Variants in CNTN1 observed in about 807,000 individuals in gnomAD.
CNTN1 encodes the protein contactin-1.
Under a neutral mutation model 126.4 loss-of-function variants are expected in CNTN1, and 38 were observed. The ratio of observed to expected loss-of-function variants is 0.30; its 90% CI spans 0.23 to 0.39. The LOEUF (loss-of-function observed/expected upper bound fraction) is 0.39, where lower values mean the gene tolerates loss of function less well. Ranked by LOEUF, CNTN1 falls within the 10% of genes least tolerant of loss-of-function variation. CNTN1 has a pLI of 1.00. For missense variants in CNTN1, 1,009 were observed against 1,248.4 expected, an observed-to-expected ratio of 0.81 and a Z score of 2.89; for synonymous variants, 413 against 422.6, an observed-to-expected ratio of 0.98 and a Z score of 0.28.
At chr12:41,038,993 G>T (rs1315531890) in intron 23 of CNTN1, among the ~76,000 whole-genome samples, 4 of 152,272 alleles carry the variant, frequency 2.6e-5, no homozygotes, top group African/African-American at 7.2e-5. Context: ...TGAACTGGCT[G>T]TATGTTTAGA....
Position 40,943,662 on chromosome 12 carries a change from A to C in CNTN1, c.1445A>C (p.Tyr482Ser). The C allele has an allele frequency of 6.2e-7, 1 of 1,610,224 alleles. No homozygotes were observed. Among genetic ancestry groups the C allele is most frequent in the Non-Finnish European group, 8.5e-7 (1 of 1,176,734 alleles). ...ATTACAAGGAATGATGGAGGTATCTATACATGCTTTGCAGAAAATAACAGA... is the reference window on the plus strand; with the variant it reads ...ATTACAAGGAATGATGGAGGTATCTCTACATGCTTTGCAGAAAATAACAGA... ...NNITRNDGGI[Y>S]TCFAENNRGK... Residue 482 changes from tyrosine to serine, a missense_variant, in exon 13 of 24, where the codon TAT becomes TCT. Tyr to Ser is a moderately radical substitution (Grantham distance 144). Transcript: ENST00000551295.
At chr12:40,762,518 ATAAG>A (rs1243569833) in intron 1 of CNTN1, among the ~76,000 whole-genome samples, 4 of 152,250 alleles carry the variant, frequency 2.6e-5, no homozygotes, top group African/African-American at 9.6e-5. Flanking sequence ...AAAATTTTAG[ATAAG>A]TAATATGTAC....
rs71078294 is a variant in CNTN1 at position 41,007,045 on chromosome 12, G to GTTT, written c.2114-7153_2114-7151dup. Among the ~76,000 whole-genome samples, 306 of 69,248 alleles carry GTTT rather than the reference G, an allele frequency of 4.4e-3. 13 individuals are homozygous for GTTT. Among genetic ancestry groups the GTTT allele is most frequent in the Non-Finnish European group, 5.6e-3 (223 of 39,714 alleles). The allele number at this position is 69,248 out of a possible 152,430, so 45.4% of individuals were successfully genotyped here. ...TGGCAGTTAAAAGCAGTTTTGTGTG[G>GTTT]TTTTTTTTTTTTTTTTTTTTTTTTT... On this transcript the variant is annotated intron_variant, in intron 17 of 23. Coordinates refer to ENST00000551295, the MANE Select transcript of CNTN1 (RefSeq NM_001843.4).
chr12:40,994,900 A>C (rs1403429688), intron 17 of CNTN1, among the ~76,000 whole-genome samples: 1 of 152,044 alleles, frequency 6.6e-6, no homozygotes. Flanking sequence ...ACTTTGAGAA[A>C]ACTCAATGTA....
intron 22 of CNTN1, among the ~76,000 whole-genome samples, chr12:41,028,395 T>C (rs1474017508): frequency 6.6e-6 from 1 of 152,182 alleles, no homozygotes; most frequent in East Asian, 1.9e-4. Flanking sequence ...AGTGCCATGA[T>C]ACATTTTGAA....
intron 3 of CNTN1, among the ~76,000 whole-genome samples, chr12:40,913,060 C>A (rs1945101158): frequency 6.6e-6 from 1 of 152,218 alleles, no homozygotes; most frequent in African/African-American, 2.4e-5. Context: ...AGAGATGTGA[C>A]AGGCTCCCCT....
rs149901235 is a variant in CNTN1, at chr12:41,018,449, A to G, written c.2419+1533A>G. ...TAGTTTTAGTATTTGTTAAAAATGT[A>G]ATATATAATTAAATCATCCTATGAT... On this transcript the variant is annotated intron_variant, in intron 19 of 23. Transcript: ENST00000551295. Among the ~76,000 whole-genome samples the G allele has an allele frequency of 9.3e-3, 1,410 of 152,176 alleles. 6 individuals are homozygous for G. Among genetic ancestry groups the G allele is most frequent in the Non-Finnish European group, 0.013 (874 of 67,994 alleles).
rs34601389 is a variant in CNTN1 at position 40,939,250 on chromosome 12, G to A, written c.1229-85G>A. ...ATTAATCCTTTCCATTAACTATTAAGGAGAATAAAAGATTCTACAACACAG... is the reference window on the plus strand; with the variant it reads ...ATTAATCCTTTCCATTAACTATTAAAGAGAATAAAAGATTCTACAACACAG... On this transcript the variant is annotated intron_variant, in intron 11 of 23. Coordinates refer to ENST00000551295, the MANE Select transcript of CNTN1 (RefSeq NM_001843.4). The A allele has an allele frequency of 0.043, 60,030 of 1,406,300 alleles. 1,501 individuals are homozygous for A. The highest frequency in any genetic ancestry group is 0.096 in the Middle Eastern group (522 of 5,410). 87.1% of individuals were successfully genotyped at this position (1,406,300 alleles called of 1,614,324 possible).
chr12:41,004,836 G>T (rs945529814), intron 17 of CNTN1, among the ~76,000 whole-genome samples: 1 of 152,158 alleles, frequency 6.6e-6, no homozygotes, highest in African/African-American at 2.4e-5. Context: ...TTGCATGTGA[G>T]ATGGATCTCT....
chr12:40,805,736 T>C (rs1274589225), intron 1 of CNTN1, among the ~76,000 whole-genome samples: 1 of 152,064 alleles, frequency 6.6e-6, no homozygotes, highest in Non-Finnish European at 1.5e-5. Flanking sequence ...TCTCATAAAT[T>C]TGAATGCTAA....
intron 23 of CNTN1, among the ~76,000 whole-genome samples, chr12:41,048,692 A>C (rs182877270): frequency 6.6e-6 from 1 of 152,260 alleles, no homozygotes; most frequent in East Asian, 1.9e-4. Context: ...AAAACAAAAC[A>C]GAGCAACAAT....
intron 23 of CNTN1, among the ~76,000 whole-genome samples, chr12:41,031,862 A>G (rs1949151843): frequency 6.6e-6 from 1 of 152,172 alleles, no homozygotes; most frequent in South Asian, 2.1e-4. Context: ...GGATTTTCAA[A>G]TCATTTAAAT....
chr12:41,020,197 T>A lies in CNTN1; in HGVS notation c.2420-140T>A. On this transcript the variant is annotated intron_variant, in intron 19 of 23. Coordinates refer to ENST00000551295, the MANE Select transcript of CNTN1 (RefSeq NM_001843.4). ...GAAGAGGTAATGAAATAATTGCACT[T>A]AGTTTGAAAATAGTAAAGCTATTTT... 2 of 596,920 alleles carry A rather than the reference T, an allele frequency of 3.4e-6. 1 individual carries two copies. Among genetic ancestry groups the A allele is most frequent in the Non-Finnish European group, 6.0e-6 (2 of 333,726 alleles). The allele number at this position is 596,920 out of a possible 1,614,324, so 37.0% of individuals were successfully genotyped here.
rs114556050 is a variant in CNTN1, at chr12:40,889,650, C to T, written c.-76-18707C>T. Among the ~76,000 whole-genome samples, 209 of 151,854 alleles carry T rather than the reference C, an allele frequency of 1.4e-3. 3 individuals are homozygous for T. The highest frequency in any genetic ancestry group is 4.7e-3 in the African/African-American group (194 of 41,384). ...TGTAATACTCATCCTTAAAGAAGGGCAGAAATGGTATAAATCTCAATGTAT... is the reference window on the plus strand; with the variant it reads ...TGTAATACTCATCCTTAAAGAAGGGTAGAAATGGTATAAATCTCAATGTAT... On this transcript the variant is annotated intron_variant, in intron 1 of 23. Coordinates refer to ENST00000551295, the MANE Select transcript of CNTN1 (RefSeq NM_001843.4).
chr12:40,818,862 C>A (rs1050140729), intron 1 of CNTN1, among the ~76,000 whole-genome samples: 1 of 151,940 alleles, frequency 6.6e-6, no homozygotes, highest in Non-Finnish European at 1.5e-5. Flanking sequence ...TTTCTGGGGG[C>A]CTTTTTGTTT....
chr12:40,699,473 T>C (rs1391430065), intron 1 of CNTN1, among the ~76,000 whole-genome samples: 1 of 152,186 alleles, frequency 6.6e-6, no homozygotes, highest in Non-Finnish European at 1.5e-5. Flanking sequence ...GGACAGCCAA[T>C]AATTCCAAAT....
intron 1 of CNTN1, among the ~76,000 whole-genome samples, chr12:40,844,286 T>C (rs1046792521): frequency 6.6e-6 from 1 of 151,870 alleles, no homozygotes; most frequent in African/African-American, 2.4e-5. Context: ...CAAGCTGGTC[T>C]CGGACTCCTG....
chr12:40,718,568 C>T (rs536220469), intron 1 of CNTN1, among the ~76,000 whole-genome samples: 30 of 152,240 alleles, frequency 2.0e-4, no homozygotes, highest in African/African-American at 7.0e-4. Flanking sequence ...GCTGGTAGAG[C>T]CCACTATTTT....
chr12:41,060,849 C>G (rs1949924919), intron 23 of CNTN1, among the ~76,000 whole-genome samples: 1 of 152,172 alleles, frequency 6.6e-6, no homozygotes, highest in Non-Finnish European at 1.5e-5. Context: ...TTATTCCAGA[C>G]TGAGTATGTT....
Sources: gnomAD v4.1 joint callset for allele counts (sites outside exome capture counted in the v4.1 genomes callset) on GRCh38, gnomAD v4.1.1 for gene constraint, MANE v1.5 for transcripts, NCBI Gene and HGNC (gene_info 2026-07-23, HGNC 2026-07-21) for gene names.